Variants in CYLD observed in about 807,000 individuals in gnomAD.
The protein encoded by CYLD is ubiquitin carboxyl-terminal hydrolase CYLD.
Under a neutral mutation model 104.5 loss-of-function variants are expected in CYLD, and 26 were observed. That is an observed-to-expected ratio of 0.25 (90% CI 0.18 to 0.35). The LOEUF (loss-of-function observed/expected upper bound fraction) is 0.35. CYLD is among the 10% of genes least tolerant of loss of function. CYLD has a pLI of 1.00. For synonymous variants in CYLD, 385 were observed against 399.9 expected (o/e 0.96, Z 0.45); for missense variants, 703 against 1,136.1 (o/e 0.62, Z 5.48).
intron 5 of CYLD, among the ~76,000 whole-genome samples, chr16:50,761,389 C>T (rs545864551): frequency 1.1e-3 from 169 of 152,254 alleles, no homozygotes; most frequent in Middle Eastern, 0.01. Context: ...CTATCTATTT[C>T]CAGAAATCTT....
chr16:50,793,477 A>C, intron 16 of CYLD, 69 bp from the exon 17 acceptor site: 1 of 1,067,966 alleles, frequency 9.4e-7, no homozygotes, highest in Non-Finnish European at 1.5e-6. Context: ...TTTTCTTTAC[A>C]TCTTCTTCAT....
chr16:50,779,793 C>A lies in CYLD; in HGVS notation c.1267C>A (p.Leu423Ile). The change falls in exon 9 of 19, where the codon CTC (leucine) becomes ATC (isoleucine). Residue 423 changes from leucine (L) to isoleucine (I), a missense_variant. This residue lies in a region of CYLD where 183 missense variants were observed against 212.1 expected (regional missense o/e 0.86). Transcript: ENST00000427738. ...CAGATTCCACTCTTTACCATTCAGT[C>A]TCACCAAGATGCCCAATACCAATGG... Reference protein sequence around the residue: ...ENRFHSLPFSLTKMPNTNGSI... With the variant: ...ENRFHSLPFSITKMPNTNGSI... 6.2e-7 allele frequency: 1 copy of A among 1,613,960 alleles called. No individual in the cohort carries two copies. The highest frequency in any genetic ancestry group is 2.2e-5 in the East Asian group (1 of 44,870).
intron 5 of CYLD, among the ~76,000 whole-genome samples, chr16:50,771,163 T>C (rs1254715431): frequency 6.6e-6 from 1 of 152,172 alleles, no homozygotes; most frequent in African/African-American, 2.4e-5. Flanking sequence ...AGCAGTTACT[T>C]CCCATTGTCT....
intron 5 of CYLD, among the ~76,000 whole-genome samples, chr16:50,772,426 A>AC (rs1969250435): frequency 6.6e-6 from 1 of 152,234 alleles, no homozygotes. Context: ...AATAGGAAGT[A>AC]CATCTACTTT....
rs1287618328 is a variant in CYLD at position 50,751,732 on chromosome 16, A to G, written c.633A>G (p.Ala211=). 2.6e-5 allele frequency: 42 copies of G among 1,613,694 alleles called. No individual in the cohort carries two copies. The highest frequency in any genetic ancestry group is 4.4e-5 in the South Asian group (4 of 91,078). The change falls in exon 4 of 19, where the codon GCA becomes GCG. Residue 211 remains alanine (A), a synonymous_variant. Transcript: ENST00000427738. ...KLELIEDDDT[A]LESDYAGPGD... ...AACTCATAGAAGATGATGACACTGC[A>G]TTGGAAAGTGATTACGCAGGTCCTG... is the stretch of plus-strand genomic sequence containing the variant.
At chr16:50,796,027 T>G (rs139318192) in intron 18 of CYLD, among the ~76,000 whole-genome samples, 2 of 152,334 alleles carry the variant, frequency 1.3e-5, no homozygotes, top group African/African-American at 4.8e-5. Flanking sequence ...GAGTGTCGTC[T>G]ACATATGTAT....
intron 14 of CYLD, among the ~76,000 whole-genome samples, chr16:50,788,297 C>T (rs1465339033): frequency 6.6e-6 from 1 of 152,124 alleles, no homozygotes. Flanking sequence ...CCTCCCCACC[C>T]ACCATGTTGA....
chr16:50,751,397 C>T (rs1966604941), intron 3 of CYLD, among the ~76,000 whole-genome samples: 1 of 152,158 alleles, frequency 6.6e-6, no homozygotes, highest in African/African-American at 2.4e-5. Context: ...TTGAAATTAT[C>T]AGATAATATT....
At chr16:50,760,102 T>C (rs956082686) in intron 5 of CYLD, among the ~76,000 whole-genome samples, 11 of 152,240 alleles carry the variant, frequency 7.2e-5, no homozygotes, top group African/African-American at 1.7e-4. Flanking sequence ...CACGTACTTA[T>C]CCGTCACGTT....
chr16:50,781,450 G>T (rs1393149020), intron 10 of CYLD, 39 bp downstream of exon 10: 4 of 1,606,850 alleles, frequency 2.5e-6, no homozygotes, highest in Non-Finnish European at 3.4e-6. Context: ...AACCTGGAAT[G>T]ACTCTAATTC....
intron 5 of CYLD, among the ~76,000 whole-genome samples, chr16:50,758,438 A>G (rs1205523109): frequency 2.0e-5 from 3 of 152,176 alleles, no homozygotes; most frequent in African/African-American, 4.8e-5. Flanking sequence ...GTGGGGAGCT[A>G]TAGGTGGGTT....
chr16:50,797,142 G>A lies in CYLD; in HGVS notation c.*634G>A. On this transcript the variant is annotated 3_prime_UTR_variant, in exon 19 of 19. Coordinates refer to ENST00000427738, the MANE Select transcript of CYLD (RefSeq NM_001378743.1). ...TTTGTTCTGGTTTTGAGATAAATGA[G>A]TGATTCTGTCCCCAAATGTCCATTT... The A allele has an allele frequency of 4.3e-6, 1 of 233,542 alleles. No homozygotes were observed. Among genetic ancestry groups the A allele is most frequent in the Non-Finnish European group, 8.5e-6 (1 of 118,280 alleles). 14.5% of individuals were successfully genotyped at this position (233,542 alleles called of 1,614,324 possible).
intron 5 of CYLD, among the ~76,000 whole-genome samples, chr16:50,755,393 C>G (rs1245249370): frequency 4.6e-5 from 7 of 152,072 alleles, no homozygotes; most frequent in Non-Finnish European, 8.8e-5. Flanking sequence ...GGGTAGACTC[C>G]TAGTAGTGGG....
At chr16:50,763,649 C>T (rs1264124990) in intron 5 of CYLD, among the ~76,000 whole-genome samples, 1 of 152,178 alleles carries the variant, frequency 6.6e-6, no homozygotes, top group Admixed American at 6.5e-5. Flanking sequence ...TATTCACAAT[C>T]CATGGATTAC....
chr16:50,760,706 A>T (rs965534876), intron 5 of CYLD, among the ~76,000 whole-genome samples: 3 of 152,162 alleles, frequency 2.0e-5, no homozygotes, highest in African/African-American at 7.2e-5. Flanking sequence ...ATCAATGGAC[A>T]TTTGGGTTGT....
In CYLD at chr16:50,793,593, A is replaced by G; in HGVS notation, c.2398A>G (p.Arg800Gly). 1 of 1,614,156 alleles carries G rather than the reference A, an allele frequency of 6.2e-7. No individual in the cohort carries two copies. The highest frequency in any genetic ancestry group is 8.5e-7 in the Non-Finnish European group (1 of 1,179,996). Reference sequence around the variant, plus strand: ...TGGAGGGCTTGCAATGTATGAGTGTAGAGAATGCTACGACGATCCGGACAT... The same window carrying G: ...TGGAGGGCTTGCAATGTATGAGTGTGGAGAATGCTACGACGATCCGGACAT... ...ICGGLAMYEC[R>G]ECYDDPDISA... The change falls in exon 17 of 19, where the codon AGA becomes GGA. Residue 800 changes from arginine (R) to glycine (G), a missense_variant. By Grantham distance (125) the Arg-to-Gly change is moderately radical. Around this residue, in one of 5 missense-constraint regions of CYLD, gnomAD observed 130 missense variants for 220.2 expected, o/e 0.59. Transcript: ENST00000427738.
chr16:50,799,043 A>T lies in CYLD; in HGVS notation c.*2535A>T. The T allele has an allele frequency of 4.3e-6, 1 of 233,456 alleles. No homozygotes were observed. Among genetic ancestry groups the T allele is most frequent in the Non-Finnish European group, 8.5e-6 (1 of 118,076 alleles). The allele number at this position is 233,456 out of a possible 1,614,324, so 14.5% of individuals were successfully genotyped here. On this transcript the variant is annotated 3_prime_UTR_variant, in exon 19 of 19. Coordinates refer to ENST00000427738, the MANE Select transcript of CYLD (RefSeq NM_001378743.1). ...AGCACAGCCTGGTTTGTCAAGAGGC[A>T]CATAGTTGGGGCTGGGCTGCATGGC...
chr16:50,796,285 CT>C, intron 18 of CYLD, 38 bp from the exon 19 acceptor site: 1 of 1,601,616 alleles, frequency 6.2e-7, no homozygotes, highest in Non-Finnish European at 8.6e-7. Flanking sequence ...GGGTTTAGAA[CT>C]TGACTGCCCT....
chr16:50,793,921 T>TG (rs529855695), intron 17 of CYLD, among the ~76,000 whole-genome samples: 3 of 37,732 alleles, frequency 8.0e-5, no homozygotes, highest in African/African-American at 2.4e-4. Context: ...ATTAATGACA[T>TG]TTTTTTTTTT....
Sources: allele counts gnomAD v4.1 joint callset (sites outside exome capture counted in the v4.1 genomes callset), GRCh38; gene constraint gnomAD v4.1.1; regional missense constraint gnomAD v4.1.1; transcripts MANE v1.5; gene names NCBI Gene and HGNC (gene_info 2026-07-23, HGNC 2026-07-21).